The following LMNTD1 variants were observed in gnomAD, a reference collection of about 807,000 sequenced individuals.
The protein encoded by LMNTD1 is lamin tail domain-containing protein 1.
In LMNTD1, 35 loss-of-function variants were observed where a neutral mutation model predicts 50.9. The ratio of observed to expected loss-of-function variants is 0.69; its 90% CI spans 0.53 to 0.91. The LOEUF (loss-of-function observed/expected upper bound fraction) is 0.91. Among genes scored for constraint, LMNTD1 ranks in the 40% least tolerant of loss-of-function variants. LMNTD1 has a pLI of 0.00. For synonymous variants in LMNTD1, 153 were observed against 161.9 expected, an observed-to-expected ratio of 0.94 and a Z score of 0.42; for missense variants, 470 against 475.5, an observed-to-expected ratio of 0.99 and a Z score of 0.11.
chr12:25,480,724 C>T (rs1010200232), intron 9 of LMNTD1, among the ~76,000 whole-genome samples: 3 of 152,166 alleles, frequency 2.0e-5, no homozygotes, highest in Non-Finnish European at 4.4e-5. Flanking sequence ...CAAGGCACTA[C>T]CTTGTATTAA....
intron 1 of LMNTD1, among the ~76,000 whole-genome samples, chr12:25,627,534 C>T (rs1025794933): frequency 1.3e-5 from 2 of 152,140 alleles, no homozygotes; most frequent in Admixed American, 6.5e-5. Context: ...GAAGGGATCA[C>T]GCTTTGTAAA....
At chr12:25,633,009 CAGG>C (rs1288604330) in intron 1 of LMNTD1, among the ~76,000 whole-genome samples, 1 of 145,018 alleles carries the variant, frequency 6.9e-6, no homozygotes, top group East Asian at 2.0e-4. Flanking sequence ...CAAAAGTGAG[CAGG>C]AGTAGCAATT....
At chr12:25,546,965 C>A (rs1188427393) in intron 3 of LMNTD1, among the ~76,000 whole-genome samples, 2 of 151,584 alleles carry the variant, frequency 1.3e-5, no homozygotes, top group African/African-American at 2.4e-5. Context: ...AAATGGCTAC[C>A]CATAAGTTAA....
chr12:25,574,525 A>T (rs934489087), intron 1 of LMNTD1, among the ~76,000 whole-genome samples: 2 of 152,184 alleles, frequency 1.3e-5, no homozygotes, highest in African/African-American at 4.8e-5. Context: ...AGGCACTTGA[A>T]ATATAATTAT....
At chr12:25,639,020 T>A (rs1019506755) in intron 1 of LMNTD1, among the ~76,000 whole-genome samples, 1 of 152,174 alleles carries the variant, frequency 6.6e-6, no homozygotes, top group Non-Finnish European at 1.5e-5. Flanking sequence ...CCTATATTCA[T>A]AGTCAATTGA....
intron 1 of LMNTD1, among the ~76,000 whole-genome samples, chr12:25,608,609 T>A (rs1411236884): frequency 6.6e-6 from 1 of 152,220 alleles, no homozygotes; most frequent in Non-Finnish European, 1.5e-5. Context: ...TTTGGCTGGA[T>A]ATGAAATTCT....
At chr12:25,577,242 G>A (rs999988334) in intron 1 of LMNTD1, among the ~76,000 whole-genome samples, 7 of 152,216 alleles carry the variant, frequency 4.6e-5, no homozygotes, top group Non-Finnish European at 8.8e-5. Flanking sequence ...GTCACTGGTA[G>A]CTTGATGGGG....
chr12:25,485,417 A>G (rs1358153343), intron 9 of LMNTD1, among the ~76,000 whole-genome samples: 1 of 82,602 alleles, frequency 1.2e-5, no homozygotes, highest in Non-Finnish European at 2.4e-5. Context: ...CCTTTGTCAG[A>G]TGAGTAGGTT....
chr12:25,577,128 T>G (rs900151065), intron 1 of LMNTD1, among the ~76,000 whole-genome samples: 1 of 152,238 alleles, frequency 6.6e-6, no homozygotes, highest in Admixed American at 6.5e-5. Flanking sequence ...GGTAGTGTGA[T>G]GCTGCCAGCT....
At chr12:25,595,837 A>T (rs1374106411) in intron 1 of LMNTD1, among the ~76,000 whole-genome samples, 1 of 152,158 alleles carries the variant, frequency 6.6e-6, no homozygotes, top group Non-Finnish European at 1.5e-5. Context: ...TTGATAGATC[A>T]TTAGCAAGAT....
intron 1 of LMNTD1, among the ~76,000 whole-genome samples, chr12:25,615,819 C>CA (rs1247787469): frequency 1.4e-4 from 21 of 152,134 alleles, no homozygotes; most frequent in African/African-American, 5.1e-4. Context: ...AAAATATTAA[C>CA]AGTGTAAGTT....
chr12:25,604,323 A>G (rs1221998956), intron 1 of LMNTD1, among the ~76,000 whole-genome samples: 3 of 151,992 alleles, frequency 2.0e-5, no homozygotes, highest in Non-Finnish European at 4.4e-5. Context: ...TTTAAAAATC[A>G]TGGTTCTTTA....
At chr12:25,622,463 G>GCTCCCCCC (rs1555124240) in intron 1 of LMNTD1, among the ~76,000 whole-genome samples, 1 of 111,152 alleles carries the variant, frequency 9.0e-6, no homozygotes, top group African/African-American at 3.0e-5. Flanking sequence ...GAGTTTGTGA[G>GCTCCCCCC]CCCGCCCCCC....
chr12:25,628,874 C>G (rs1039195036), intron 1 of LMNTD1, among the ~76,000 whole-genome samples: 2 of 152,072 alleles, frequency 1.3e-5, no homozygotes, highest in African/African-American at 4.8e-5. Flanking sequence ...GAGAATAAAC[C>G]TGTATTGTTT....
chr12:25,487,980 T>C (rs1296267079), intron 9 of LMNTD1, among the ~76,000 whole-genome samples: 4 of 148,988 alleles, frequency 2.7e-5, no homozygotes, highest in East Asian at 4.0e-4. Context: ...TTCTGGCTTG[T>C]GGGGTTTCTG....
intron 1 of LMNTD1, among the ~76,000 whole-genome samples, chr12:25,572,196 G>A (rs1193929820): frequency 1.3e-5 from 2 of 152,120 alleles, no homozygotes; most frequent in East Asian, 3.9e-4. Flanking sequence ...CATAAATTAG[G>A]TACTCAAAAA....
chr12:25,539,140 C>T (rs1427726816), intron 4 of LMNTD1, among the ~76,000 whole-genome samples: 78 of 146,836 alleles, frequency 5.3e-4, no homozygotes, highest in Non-Finnish European at 1.4e-4. Context: ...CTTTAACACC[C>T]CACTGTCAAC....
At chr12:25,585,480 ACTT>A (rs1945481603) in intron 1 of LMNTD1, among the ~76,000 whole-genome samples, 1 of 152,204 alleles carries the variant, frequency 6.6e-6, no homozygotes, top group Admixed American at 6.5e-5. Context: ...AAAGGAAAAA[ACTT>A]CTTAACTCAA....
rs144211899 is a variant in LMNTD1, at chr12:25,479,438, G to C, written c.*23-2978C>G. 1.8e-3 allele frequency among the ~76,000 whole-genome samples: 276 copies of C among 152,260 alleles called. 2 individuals carry two copies. Among genetic ancestry groups the C allele is most frequent in the Non-Finnish European group, 3.2e-3 (220 of 68,010 alleles). On this transcript the variant is annotated intron_variant, in intron 9 of 9. Transcript: ENST00000458174. ...GATTCAGAACATACACAGCCTTCTG[G>C]AGAACTTTGCCCTAGCCCTGCAAAG...
Sources: gnomAD v4.1 joint callset for allele counts (sites outside exome capture counted in the v4.1 genomes callset) on GRCh38, gnomAD v4.1.1 for gene constraint, MANE v1.5 for transcripts, NCBI Gene and HGNC (gene_info 2026-07-23, HGNC 2026-07-21) for gene names.